The following RMND5A variants were observed in gnomAD, a reference collection of about 807,000 sequenced individuals.
The protein encoded by RMND5A is required for meiotic nuclear division 5 homolog A, also known as E3 ubiquitin-protein transferase RMND5A.
In RMND5A, 17 loss-of-function variants were observed where a neutral mutation model predicts 49.7. The observed-to-expected ratio is 0.34, with a 90% confidence interval of 0.23 to 0.51. The LOEUF (loss-of-function observed/expected upper bound fraction) is 0.51. Among genes scored for constraint, RMND5A ranks in the 20% least tolerant of loss-of-function variants. RMND5A has a pLI of 0.96. For missense variants in RMND5A, 255 were observed against 471.3 expected, an observed-to-expected ratio of 0.54 and a Z score of 4.25; for synonymous variants, 156 against 167.7, an observed-to-expected ratio of 0.93 and a Z score of 0.54.
At chr2:86,747,617 A>G (rs952790323) in intron 2 of RMND5A, among the ~76,000 whole-genome samples, 1 of 152,228 alleles carries the variant, frequency 6.6e-6, no homozygotes, top group Non-Finnish European at 1.5e-5. Flanking sequence ...GTAGATGGAG[A>G]AGTTTCAAAA....
At chr2:86,769,904 C>G in intron 6 of RMND5A, 119 bp from the exon 7 acceptor site, 3 of 694,536 alleles carry the variant, frequency 4.3e-6, no homozygotes, top group Admixed American at 2.4e-5. Flanking sequence ...ACAGAAAGCT[C>G]TCACCCTGTC....
At chr2:86,766,497 T>C (rs1373635903) in intron 6 of RMND5A, among the ~76,000 whole-genome samples, 1 of 151,864 alleles carries the variant, frequency 6.6e-6, no homozygotes, top group Non-Finnish European at 1.5e-5. Flanking sequence ...AACCCGCCTC[T>C]ACTAAAAACA....
chr2:86,728,872 G>GC (rs200984706), intron 1 of RMND5A, among the ~76,000 whole-genome samples: 104,368 of 145,858 alleles, frequency 0.72, 35,442 homozygotes, highest in East Asian at 0.91. Context: ...CCCTGCCTCA[G>GC]CCCCCGAGTA....
At chr2:86,758,700 A>G (rs1681790666) in intron 4 of RMND5A, among the ~76,000 whole-genome samples, 1 of 152,202 alleles carries the variant, frequency 6.6e-6, no homozygotes. Flanking sequence ...ACTCACACCA[A>G]CTCTGAGATG....
At chr2:86,751,090 G>A (rs548895734) in intron 2 of RMND5A, among the ~76,000 whole-genome samples, 1 of 152,090 alleles carries the variant, frequency 6.6e-6, no homozygotes, top group African/African-American at 2.4e-5. Context: ...GCAGTATCTT[G>A]AACATTTTGA....
rs1311972059 is a variant in RMND5A, at chr2:86,723,918, A to G, written c.142+3109A>G. Among the ~76,000 whole-genome samples the G allele has an allele frequency of 1.3e-4, 19 of 151,518 alleles. No homozygotes were observed. In the South Asian group the frequency reaches 4.0e-3, roughly 32 times the overall value. On this transcript the variant is annotated intron_variant, in intron 1 of 8. Coordinates refer to ENST00000283632, the MANE Select transcript of RMND5A (RefSeq NM_022780.4). The stretch of plus-strand genomic sequence containing the variant: ...CCTTTAAGTAGCTTGAAATTCTTTT[A>G]CATAAAATTTCTCTCGTTAATCTTT...
chr2:86,767,425 C>CTTTTTTTTTT (rs11468234), intron 6 of RMND5A, among the ~76,000 whole-genome samples: 5 of 139,520 alleles, frequency 3.6e-5, no homozygotes, highest in Non-Finnish European at 6.2e-5. Context: ...TTTTGGCAGT[C>CTTTTTTTTTT]TTTTTTTTTT....
intron 7 of RMND5A, 30 bp from the exon 8 acceptor site, chr2:86,771,528 C>A: frequency 6.5e-7 from 1 of 1,534,272 alleles, no homozygotes; most frequent in Non-Finnish European, 8.7e-7. Flanking sequence ...ATGACTTCAG[C>A]TTTTTTACTT....
At chr2:86,743,009 T>A (rs1002039121) in intron 2 of RMND5A, among the ~76,000 whole-genome samples, 3 of 152,202 alleles carry the variant, frequency 2.0e-5, no homozygotes, top group African/African-American at 7.2e-5. Context: ...TGACCATATA[T>A]GCCATGTATG....
chr2:86,771,543 T>C lies in RMND5A; in HGVS notation c.958-15T>C. 1 of 1,584,940 alleles carries C rather than the reference T, an allele frequency of 6.3e-7. No individual in the cohort carries two copies. The highest frequency in any genetic ancestry group is 8.5e-7 in the Non-Finnish European group (1 of 1,170,610). On this transcript the variant is annotated splice_polypyrimidine_tract_variant and intron_variant, in intron 7 of 8. Coordinates refer to ENST00000283632, the MANE Select transcript of RMND5A (RefSeq NM_022780.4). ...ATGACTTCAGCTTTTTTACTTTTTT[T>C]TTTTTTTTTAACAGATTGAAGTGGA...
chr2:86,748,186 G>A (rs913013721), intron 2 of RMND5A: 1 of 152,182 alleles, frequency 6.6e-6, no homozygotes, highest in Admixed American at 6.5e-5. Context: ...ACAGAAGCTG[G>A]AACTAATGCT....
rs572593020 is a variant in RMND5A at position 86,767,759 on chromosome 2, C to T, written c.854+1735C>T. 2.0e-5 allele frequency among the ~76,000 whole-genome samples: 3 copies of T among 152,312 alleles called. No homozygotes were observed. In the South Asian group the frequency reaches 6.2e-4, roughly 32 times the overall value. ...GTTTCAGATTCTGCTCTGCAGCGAACCTTTAGAAAACTACTACCTGTTTTG... is the reference window on the plus strand; with the variant it reads ...GTTTCAGATTCTGCTCTGCAGCGAATCTTTAGAAAACTACTACCTGTTTTG... On this transcript the variant is annotated intron_variant, in intron 6 of 8. Coordinates refer to ENST00000283632, the MANE Select transcript of RMND5A (RefSeq NM_022780.4).
At chr2:86,729,551 G>T (rs939530398) in intron 1 of RMND5A, among the ~76,000 whole-genome samples, 1 of 128,866 alleles carries the variant, frequency 7.8e-6, no homozygotes, top group Admixed American at 8.2e-5. Context: ...ATGTATCTAG[G>T]CTAGATGCTA....
intron 5 of RMND5A, 176 bp downstream of exon 5, chr2:86,765,369 T>C: frequency 1.9e-6 from 1 of 524,384 alleles, no homozygotes. Context: ...TAAAGCCTCT[T>C]AGAAGTCAGA....
At position 86,751,934 on chromosome 2, in the gene RMND5A, C is replaced by A; in HGVS notation, c.324C>A (p.Gly108=). 3 of 1,613,722 alleles carry A rather than the reference C, an allele frequency of 1.9e-6. No homozygotes were observed. Among genetic ancestry groups the A allele is most frequent in the Non-Finnish European group, 1.7e-6 (2 of 1,179,734 alleles). Residue 108 remains glycine, a synonymous_variant, in exon 3 of 9, where the codon GGC becomes GGA. Coordinates refer to ENST00000283632, the MANE Select transcript of RMND5A (RefSeq NM_022780.4). ...ACATTAGCAGTGTGGGAATAGATGG[C>A]TGCTGGCAGGCAGACAGCCAAAGGC... The part of the protein sequence containing the change: ...DSDISSVGID[G]CWQADSQRLL...
intron 4 of RMND5A, 68 bp downstream of exon 4, chr2:86,753,626 C>T (rs1471133926): frequency 1.3e-6 from 1 of 746,782 alleles, no homozygotes; most frequent in Non-Finnish European, 2.3e-6. Flanking sequence ...AATCAGAAAA[C>T]ACATTAGAGA....
At chr2:86,754,706 C>A (rs545145256) in intron 4 of RMND5A, among the ~76,000 whole-genome samples, 1 of 152,162 alleles carries the variant, frequency 6.6e-6, no homozygotes, top group Non-Finnish European at 1.5e-5. Flanking sequence ...CAGGACTGTG[C>A]CGTTATGCCC....
Position 86,765,937 on chromosome 2 carries a change from C to T in RMND5A, c.767C>T (p.Ala256Val). ...TCACCATATGTTCACCTACTTGATG[C>T]AAACCAGTGGGCTGATATCTGTGAC... ...ENSPYVHLLD[A>V]NQWADICDIF... The change falls in exon 6 of 9, where the codon GCA (alanine) becomes GTA (valine). Residue 256 changes from alanine to valine, a missense_variant. Ala to Val is a moderately conservative substitution (Grantham distance 64). Around this residue, in one of 3 missense-constraint regions of RMND5A, gnomAD observed 208 missense variants for 339.8 expected, o/e 0.61. Coordinates refer to ENST00000283632, the MANE Select transcript of RMND5A (RefSeq NM_022780.4). The T allele has an allele frequency of 6.2e-7, 1 of 1,614,090 alleles. No individual in the cohort carries two copies. The highest frequency in any genetic ancestry group is 1.3e-5 in the African/African-American group (1 of 75,018).
intron 4 of RMND5A, among the ~76,000 whole-genome samples, chr2:86,757,174 CAAAAAAAAAAAA>C (rs60710494): frequency 3.2e-4 from 31 of 97,954 alleles, no homozygotes; most frequent in African/African-American, 1.1e-3. Context: ...AACTCAGTCT[CAAAAAAAAAAAA>C]AAAAAAAAAA....
Sources: gnomAD v4.1 joint callset for allele counts (sites outside exome capture counted in the v4.1 genomes callset) on GRCh38, gnomAD v4.1.1 for gene constraint, gnomAD v4.1.1 regional missense constraint, MANE v1.5 for transcripts, NCBI Gene and HGNC (gene_info 2026-07-23, HGNC 2026-07-21) for gene names.